ALPI: variants seen among roughly 807,000 people sequenced by gnomAD.
ALPI encodes intestinal-type alkaline phosphatase.
In ALPI, 50 loss-of-function variants were observed where a neutral mutation model predicts 51.5. That is an observed-to-expected ratio of 0.97 (90% CI 0.77 to 1.23). The LOEUF is 1.23. Ranked by LOEUF, ALPI falls within the 50% of genes most tolerant of loss-of-function variation. The probability of loss-of-function intolerance (pLI) is 0.00; values close to 1 mark genes in which losing one functional copy is unlikely to be tolerated. For missense variants in ALPI, 692 were observed against 722.4 expected (o/e 0.96, Z 0.48); for synonymous variants, 322 against 308.2 (o/e 1.04, Z -0.47).
In ALPI at chr2:232,457,061, G is replaced by A. The variant is rs1442871952; in HGVS notation, c.463G>A (p.Ala155Thr). 6.2e-7 allele frequency: 1 copy of A among 1,613,550 alleles called. No homozygotes were observed. Among genetic ancestry groups the A allele is most frequent in the Non-Finnish European group, 8.5e-7 (1 of 1,179,968 alleles). The change falls in exon 4 of 11, where the codon GCC becomes ACC. Residue 155 changes from alanine to threonine, a missense_variant. By Grantham distance (58) the Ala-to-Thr change is moderately conservative. Transcript: ENST00000295463. This position sits in a 1 kb window ranked among gnomAD's most constrained non-coding sequence, Gnocchi z 4.7. ...TGAGGTCATCTCCGTGATGAACCGGGCCAAGCAAGCAGGTGAGCTGGGGCC... is the reference window on the plus strand; with the variant it reads ...TGAGGTCATCTCCGTGATGAACCGGACCAAGCAAGCAGGTGAGCTGGGGCC... ...GNEVISVMNR[A>T]KQAGKSVGVV...
Position 232,457,440 on chromosome 2 carries a change from T to C in ALPI, c.648+118T>C, listed in dbSNP as rs1367836888. Reference sequence around the variant, plus strand: ...GGTTCTGGAGGTGGAGTTGGGGATGTAGAATGTGCAATACAGGCTGGGCCA... The same window carrying C: ...GGTTCTGGAGGTGGAGTTGGGGATGCAGAATGTGCAATACAGGCTGGGCCA... On this transcript the variant is annotated intron_variant, in intron 5 of 10. Coordinates refer to ENST00000295463, the MANE Select transcript of ALPI (RefSeq NM_001631.5). The surrounding 1 kb of genome is among the most constrained non-coding windows in gnomAD (Gnocchi z 4.7). The C allele has an allele frequency of 6.5e-7, 1 of 1,546,844 alleles. No homozygotes were observed. The highest frequency in any genetic ancestry group is 1.4e-5 in the African/African-American group (1 of 72,956).
rs1690182199 is a variant in ALPI at position 232,456,294 on chromosome 2, A to C, written c.67+28A>C. 6.2e-7 allele frequency: 1 copy of C among 1,614,022 alleles called. No individual in the cohort carries two copies. The highest frequency in any genetic ancestry group is 1.1e-5 in the South Asian group (1 of 91,072). ...AATGAGGCTCCCCAAGCTGTTCCAC[A>C]CACAGGGCACCCCCTCAGCCAGGCT... On this transcript the variant is annotated intron_variant, in intron 1 of 10. Transcript: ENST00000295463. This position sits in a 1 kb window ranked among gnomAD's most constrained non-coding sequence, Gnocchi z 4.2.
chr2:232,456,653 G>A lies in ALPI; in HGVS notation c.258G>A (p.Thr86=), dbSNP rs142586150. 2.5e-6 allele frequency: 4 copies of A among 1,611,634 alleles called. No individual in the cohort carries two copies. The highest frequency in any genetic ancestry group is 1.3e-5 in the African/African-American group (1 of 74,896). The change falls in exon 3 of 11, where the codon ACG becomes ACA. Residue 86 remains threonine (T), a synonymous_variant. Coordinates refer to ENST00000295463, the MANE Select transcript of ALPI (RefSeq NM_001631.5). The surrounding 1 kb of genome is among the most constrained non-coding windows in gnomAD (Gnocchi z 4.2). ...AGAATGGCAAACTGGGGCCTGAGACGCCCCTGGCCATGGACCGCTTCCCAT... is the reference window on the plus strand; with the variant it reads ...AGAATGGCAAACTGGGGCCTGAGACACCCCTGGCCATGGACCGCTTCCCAT... ...GQKNGKLGPE[T]PLAMDRFPYL...
At position 232,459,254 on chromosome 2, in the gene ALPI, C is replaced by A; in HGVS notation, c.*108C>A. On this transcript the variant is annotated 3_prime_UTR_variant, in exon 11 of 11. Transcript: ENST00000295463. Reference sequence around the variant, plus strand: ...CACACACAGGTGTCCTGCCGTTGGACCTTCACCTCCTAGAGATAAACCAGC... The same window carrying A: ...CACACACAGGTGTCCTGCCGTTGGAACTTCACCTCCTAGAGATAAACCAGC... 1.5e-6 allele frequency: 2 copies of A among 1,375,626 alleles called. No individual in the cohort carries two copies. Among genetic ancestry groups the A allele is most frequent in the Non-Finnish European group, 1.9e-6 (2 of 1,036,734 alleles). 85.2% of individuals were successfully genotyped at this position (1,375,626 alleles called of 1,614,324 possible). A position where few individuals can be genotyped will look rare whatever the true frequency, so the allele number is the denominator to read the frequency against.
chr2:232,456,365 G>A lies in ALPI; in HGVS notation c.84G>A (p.Pro28=), dbSNP rs775849282. The change falls in exon 2 of 11, where the codon CCG becomes CCA. Residue 28 remains proline (P), a synonymous_variant. Coordinates refer to ENST00000295463, the MANE Select transcript of ALPI (RefSeq NM_001631.5). The surrounding 1 kb of genome is among the most constrained non-coding windows in gnomAD (Gnocchi z 4.2). The part of the protein sequence containing the change: ...LGVIPAEEEN[P]AFWNRQAAEA... Reference sequence around the variant, plus strand: ...CCTGGCCAGCTGAGGAGGAGAACCCGGCCTTCTGGAACCGCCAGGCAGCTG... The same window carrying A: ...CCTGGCCAGCTGAGGAGGAGAACCCAGCCTTCTGGAACCGCCAGGCAGCTG... The A allele has an allele frequency of 1.5e-5, 24 of 1,613,850 alleles. No individual in the cohort carries two copies. The highest frequency in any genetic ancestry group is 4.5e-5 in the East Asian group (2 of 44,870).
Position 232,457,756 on chromosome 2 carries a change from C to G in ALPI, c.784-39C>G, listed in dbSNP as rs777784785. On this transcript the variant is annotated intron_variant, in intron 6 of 10. Coordinates refer to ENST00000295463, the MANE Select transcript of ALPI (RefSeq NM_001631.5). This position sits in a 1 kb window ranked among gnomAD's most constrained non-coding sequence, Gnocchi z 4.7. ...GCAGGGGGAGGCCAAGTGTGTGGGTCTCAGGGCTGTGGGCTGAAGCCTGGC... is the reference window on the plus strand; with the variant it reads ...GCAGGGGGAGGCCAAGTGTGTGGGTGTCAGGGCTGTGGGCTGAAGCCTGGC... The G allele has an allele frequency of 1.2e-6, 2 of 1,612,686 alleles. No homozygotes were observed. The highest frequency in any genetic ancestry group is 2.2e-5 in the East Asian group (1 of 44,854).
rs1054731071 is a variant in ALPI, at chr2:232,459,449, A to G, written c.*303A>G. 1 of 405,214 alleles carries G rather than the reference A, an allele frequency of 2.5e-6. No homozygotes were observed. The highest frequency in any genetic ancestry group is 4.5e-6 in the Non-Finnish European group (1 of 223,070). 25.1% of individuals were successfully genotyped at this position (405,214 alleles called of 1,614,324 possible). Reference sequence around the variant, plus strand: ...AGATTTGTGCCATGCGGCTGCCTGCACCCCAGACAATAAAGGGACCAAAAC... The same window carrying G: ...AGATTTGTGCCATGCGGCTGCCTGCGCCCCAGACAATAAAGGGACCAAAAC... On this transcript the variant is annotated 3_prime_UTR_variant, in exon 11 of 11. Transcript: ENST00000295463.
rs1255712309 is a variant in ALPI at position 232,456,555 on chromosome 2, G to A, written c.185-25G>A. On this transcript the variant is annotated intron_variant, in intron 2 of 10. Coordinates refer to ENST00000295463, the MANE Select transcript of ALPI (RefSeq NM_001631.5). The surrounding 1 kb of genome is among the most constrained non-coding windows in gnomAD (Gnocchi z 4.2). ...GTTCCAGGACAACCCTGGGGCCCAG[G>A]ACTCACACATTTCTGCTCCTTCAGG... 2 of 1,610,994 alleles carry A rather than the reference G, an allele frequency of 1.2e-6. No individual in the cohort carries two copies. Among genetic ancestry groups the A allele is most frequent in the Non-Finnish European group, 8.5e-7 (1 of 1,178,536 alleles).
chr2:232,457,087 C>A lies in ALPI; in HGVS notation c.475+14C>A. Reference sequence around the variant, plus strand: ...CCAAGCAAGCAGGTGAGCTGGGGCCCGCTGTGGGGTCAGGACCAGGCCCAA... The same window carrying A: ...CCAAGCAAGCAGGTGAGCTGGGGCCAGCTGTGGGGTCAGGACCAGGCCCAA... On this transcript the variant is annotated intron_variant, in intron 4 of 10. Transcript: ENST00000295463. The surrounding 1 kb of genome is among the most constrained non-coding windows in gnomAD (Gnocchi z 4.7). 1 of 1,613,270 alleles carries A rather than the reference C, an allele frequency of 6.2e-7. No individual in the cohort carries two copies.
Position 232,459,087 on chromosome 2 carries a change from G to A in ALPI, c.1528G>A (p.Ala510Thr), listed in dbSNP as rs778173995. 2 of 1,542,266 alleles carry A rather than the reference G, an allele frequency of 1.3e-6. No individual in the cohort carries two copies. The highest frequency in any genetic ancestry group is 2.0e-5 in the Admixed American group (1 of 50,972). ...CACCGACGCCGCGCACCCAGTTGCCGCGTCGCTGCCACTGCTGGCCGGGAC... is the reference window on the plus strand; with the variant it reads ...CACCGACGCCGCGCACCCAGTTGCCACGTCGCTGCCACTGCTGGCCGGGAC... ...CTTDAAHPVA[A>T]SLPLLAGTLL... The change falls in exon 11 of 11, where the codon GCG (alanine) becomes ACG (threonine). Residue 510 changes from alanine (A) to threonine (T), a missense_variant. Coordinates refer to ENST00000295463, the MANE Select transcript of ALPI (RefSeq NM_001631.5).
Position 232,456,519 on chromosome 2 carries a change from G to A in ALPI, c.184+54G>A. The A allele has an allele frequency of 6.2e-7, 1 of 1,611,348 alleles. No homozygotes were observed. The highest frequency in any genetic ancestry group is 8.5e-7 in the Non-Finnish European group (1 of 1,178,596). On this transcript the variant is annotated intron_variant, in intron 2 of 10. Coordinates refer to ENST00000295463, the MANE Select transcript of ALPI (RefSeq NM_001631.5). The surrounding 1 kb of genome is among the most constrained non-coding windows in gnomAD (Gnocchi z 4.2). The stretch of plus-strand genomic sequence containing the variant: ...TAGTCCTCACAGCCCCGGCACCCGG[G>A]ACCTTCAGTGGTTCCAGGACAACCC...
Position 232,457,779 on chromosome 2 carries a change from G to T in ALPI, c.784-16G>T, listed in dbSNP as rs775212105. 4 of 1,613,744 alleles carry T rather than the reference G, an allele frequency of 2.5e-6. No homozygotes were observed. In the South Asian group the frequency reaches 3.3e-5, roughly 13 times the overall value. ...GTCTCAGGGCTGTGGGCTGAAGCCT[G>T]GCTCTGTCCCTGCAGGGTGCCTGGT... On this transcript the variant is annotated splice_polypyrimidine_tract_variant and intron_variant, in intron 6 of 10. Coordinates refer to ENST00000295463, the MANE Select transcript of ALPI (RefSeq NM_001631.5). This position sits in a 1 kb window ranked among gnomAD's most constrained non-coding sequence, Gnocchi z 4.7.
Position 232,457,988 on chromosome 2 carries a change from T to C in ALPI, c.857-10T>C. 1 of 1,613,436 alleles carries C rather than the reference T, an allele frequency of 6.2e-7. No individual in the cohort carries two copies. The highest frequency in any genetic ancestry group is 8.5e-7 in the Non-Finnish European group (1 of 1,179,654). On this transcript the variant is annotated splice_polypyrimidine_tract_variant and intron_variant, in intron 7 of 10. Coordinates refer to ENST00000295463, the MANE Select transcript of ALPI (RefSeq NM_001631.5). This position sits in a 1 kb window ranked among gnomAD's most constrained non-coding sequence, Gnocchi z 4.7. ...GCCTGCCAATCACCACCAAGCTCCT[T>C]GTCCCACAGGCCTCTTTGAGCCCGG...
rs1690266449 is a variant in ALPI, at chr2:232,459,175, C to T, written c.*29C>T. On this transcript the variant is annotated 3_prime_UTR_variant, in exon 11 of 11. Coordinates refer to ENST00000295463, the MANE Select transcript of ALPI (RefSeq NM_001631.5). ...CCCCACTCCGGAGTTATCCTGCTCC[C>T]CACCTCCGGGCGTCCTGCCCTGTTC... 1 of 1,517,102 alleles carries T rather than the reference C, an allele frequency of 6.6e-7. No individual in the cohort carries two copies. The highest frequency in any genetic ancestry group is 8.8e-7 in the Non-Finnish European group (1 of 1,138,218). The allele number at this position is 1,517,102 out of a possible 1,614,324, so 94.0% of individuals were successfully genotyped here.
In ALPI at chr2:232,457,496, G is replaced by T. The variant is rs112389436; in HGVS notation, c.649-69G>T. 7,317 of 1,554,396 alleles carry T rather than the reference G, an allele frequency of 4.7e-3. 248 individuals carry two copies. The African/African-American group carries it at 0.078, about 17-fold the overall frequency. On this transcript the variant is annotated intron_variant, in intron 5 of 10. Coordinates refer to ENST00000295463, the MANE Select transcript of ALPI (RefSeq NM_001631.5). The surrounding 1 kb of genome is among the most constrained non-coding windows in gnomAD (Gnocchi z 4.7). ...ACAGCCCTGGGGAGGGGAGCCAGGG[G>T]CTATGCATGAGGAGGGGGCACGGGG...
At position 232,458,919 on chromosome 2, in the gene ALPI, G is replaced by A; in HGVS notation, c.1360G>A (p.Glu454Lys). The A allele has an allele frequency of 1.9e-6, 3 of 1,610,046 alleles. No homozygotes were observed. The highest frequency in any genetic ancestry group is 1.7e-6 in the Non-Finnish European group (2 of 1,178,886). The change falls in exon 11 of 11, where the codon GAA (glutamate) becomes AAA (lysine). Residue 454 changes from glutamate (E) to lysine (K), a missense_variant. Coordinates refer to ENST00000295463, the MANE Select transcript of ALPI (RefSeq NM_001631.5). ...VPLSSETHGG[E>K]DVAVFARGPQ... ...CCTGTCGTCCGAGACCCACGGAGGC[G>A]AAGACGTGGCGGTGTTTGCGCGCGG...
Position 232,459,436 on chromosome 2 carries a change from T to A in ALPI, c.*290T>A. 1 of 429,244 alleles carries A rather than the reference T, an allele frequency of 2.3e-6. No homozygotes were observed. The highest frequency in any genetic ancestry group is 4.2e-6 in the Non-Finnish European group (1 of 237,354). 26.6% of individuals were successfully genotyped at this position (429,244 alleles called of 1,614,324 possible). ...CCCCAGAGACTGCAGATTTGTGCCATGCGGCTGCCTGCACCCCAGACAATA... is the reference window on the plus strand; with the variant it reads ...CCCCAGAGACTGCAGATTTGTGCCAAGCGGCTGCCTGCACCCCAGACAATA... On this transcript the variant is annotated 3_prime_UTR_variant, in exon 11 of 11. Coordinates refer to ENST00000295463, the MANE Select transcript of ALPI (RefSeq NM_001631.5).
In ALPI at chr2:232,457,181, G is replaced by A; in HGVS notation, c.507G>A (p.Arg169=). 1 of 1,613,474 alleles carries A rather than the reference G, an allele frequency of 6.2e-7. No homozygotes were observed. Among genetic ancestry groups the A allele is most frequent in the Non-Finnish European group, 8.5e-7 (1 of 1,180,026 alleles). ...GKSVGVVTTT[R]VQHASPAGTY... ...CAGTAGGAGTGGTGACCACCACACGGGTGCAGCACGCCTCGCCAGCCGGCA... is the reference window on the plus strand; with the variant it reads ...CAGTAGGAGTGGTGACCACCACACGAGTGCAGCACGCCTCGCCAGCCGGCA... Residue 169 remains arginine (R), a synonymous_variant, in exon 5 of 11, where the codon CGG becomes CGA. Transcript: ENST00000295463. This position sits in a 1 kb window ranked among gnomAD's most constrained non-coding sequence, Gnocchi z 4.7.
chr2:232,458,492 G>A (rs2106173343), intron 9 of ALPI, 84 bp downstream of exon 9: 2 of 1,540,124 alleles, frequency 1.3e-6, no homozygotes, highest in South Asian at 2.4e-5. Flanking sequence ...TGTCAAAAGT[G>A]TGCAATGCTG....
Sources: gnomAD v4.1 joint callset for allele counts on GRCh38, gnomAD v4.1.1 for gene constraint, Gnocchi (gnomAD v3.1) non-coding constraint, MANE v1.5 for transcripts, NCBI Gene and HGNC (gene_info 2026-07-23, HGNC 2026-07-21) for gene names.